The following FGF21 variants were observed in gnomAD, a reference collection of about 807,000 sequenced individuals.
The protein encoded by FGF21 is fibroblast growth factor 21.
FGF21 carries 13 observed loss-of-function variants against 13.4 expected under a neutral mutation model. The observed-to-expected ratio is 0.97, with a 90% CI of 0.63 to 1.54. FGF21 has a LOEUF of 1.54. FGF21 is among the 40% of genes most tolerant of loss of function. FGF21 has a pLI of 0.00. For missense variants in FGF21, 303 were observed against 272.4 expected, an observed-to-expected ratio of 1.11 and a Z score of -0.79; for synonymous variants, 124 against 123.6, an observed-to-expected ratio of 1.00 and a Z score of -0.02.
In FGF21 at chr19:48,756,227, C is replaced by G. The variant is rs111808565; in HGVS notation, c.-10C>G. The G allele has an allele frequency of 1.2e-6, 2 of 1,609,456 alleles. No individual in the cohort carries two copies. The highest frequency in any genetic ancestry group is 1.1e-5 in the South Asian group (1 of 90,878). ...ACACCCCGGAGATCACCTGAGGACC[C>G]GAGCCATTGATGGACTCGGACGAGA... is the stretch of plus-strand genomic sequence containing the variant. On this transcript the variant is annotated 5_prime_UTR_variant, in exon 2 of 4. Coordinates refer to ENST00000593756, the MANE Select transcript of FGF21 (RefSeq NM_019113.4).
At position 48,756,478 on chromosome 19, in the gene FGF21, G is replaced by A. The variant is rs935397157; in HGVS notation, c.235+7G>A. The A allele has an allele frequency of 4.3e-6, 7 of 1,609,986 alleles. No homozygotes were observed. Among genetic ancestry groups the A allele is most frequent in the African/African-American group, 1.3e-5 (1 of 74,868 alleles). On this transcript the variant is annotated splice_region_variant and intron_variant, in intron 2 of 3. Transcript: ENST00000593756. ...GCTGACCAGAGCCCCGAAAGTGAGT[G>A]TGGGCCAGAGCCTGGGTCTGAGGGA...
chr19:48,758,104 C>T lies in FGF21; in HGVS notation c.514C>T (p.Pro172Ser), dbSNP rs765579156. The T allele has an allele frequency of 1.9e-6, 3 of 1,611,532 alleles. No individual in the cohort carries two copies. Among genetic ancestry groups the T allele is most frequent in the Non-Finnish European group, 1.7e-6 (2 of 1,179,274 alleles). Residue 172 changes from proline (P) to serine (S), a missense_variant, in exon 4 of 4, where the codon CCC (proline) becomes TCC (serine). Coordinates refer to ENST00000593756, the MANE Select transcript of FGF21 (RefSeq NM_019113.4). Reference protein sequence around the residue: ...ARFLPLPGLPPALPEPPGILA... With the variant: ...ARFLPLPGLPSALPEPPGILA... Reference sequence around the variant, plus strand: ...CTTCCTGCCACTACCAGGCCTGCCCCCCGCACTCCCGGAGCCACCCGGAAT... The same window carrying T: ...CTTCCTGCCACTACCAGGCCTGCCCTCCGCACTCCCGGAGCCACCCGGAAT...
At chr19:48,756,556 C>T (rs1267883366) in intron 2 of FGF21, 85 bp downstream of exon 2, 56 of 1,330,734 alleles carry the variant, frequency 4.2e-5, no homozygotes, top group Admixed American at 9.1e-5. Context: ...GGCTGGGGGC[C>T]TTGGCCCCTG....
rs754736990 is a variant in FGF21 at position 48,758,029 on chromosome 19, C to A, written c.439C>A (p.Pro147Thr). 6.2e-7 allele frequency: 1 copy of A among 1,613,360 alleles called. No individual in the cohort carries two copies. The highest frequency in any genetic ancestry group is 8.5e-7 in the Non-Finnish European group (1 of 1,179,728). Residue 147 changes from proline to threonine, a missense_variant, in exon 4 of 4, where the codon CCA becomes ACA. By Grantham distance (38) the Pro-to-Thr change is conservative. Transcript: ENST00000593756. The stretch of plus-strand genomic sequence containing the variant: ...AGCCCACGGCCTCCCGCTGCACCTG[C>A]CAGGGAACAAGTCCCCACACCGGGA... ...SEAHGLPLHL[P>T]GNKSPHRDPA...
intron 3 of FGF21, 69 bp downstream of exon 3, chr19:48,757,098 G>A: frequency 8.4e-7 from 1 of 1,195,386 alleles, no homozygotes; most frequent in South Asian, 1.3e-5. Flanking sequence ...AGCCTGGGGT[G>A]CCTTGTCTTG....
chr19:48,757,830 G>C, intron 3 of FGF21, 100 bp from the exon 4 acceptor site: 1 of 1,180,290 alleles, frequency 8.5e-7, no homozygotes, highest in Non-Finnish European at 1.2e-6. Flanking sequence ...TGGGGGCCTG[G>C]ACCCCTGGGT....
intron 3 of FGF21, 97 bp downstream of exon 3, chr19:48,757,126 C>T (rs2034118418): frequency 1.1e-6 from 1 of 874,946 alleles, no homozygotes; most frequent in Admixed American, 2.1e-5. Context: ...CCCCCGGAGC[C>T]AGACTTGATT....
rs1231853565 is a variant in FGF21, at chr19:48,756,463, G to A, written c.227G>A (p.Ser76Asn). Residue 76 changes from serine (S) to asparagine (N), a missense_variant, in exon 2 of 4, where the codon AGC becomes AAC. Ser to Asn is a conservative substitution (Grantham distance 46). Coordinates refer to ENST00000593756, the MANE Select transcript of FGF21 (RefSeq NM_019113.4). ...DGTVGGAADQ[S>N]PESLLQLKAL... ...ACGGTGGGGGGCGCTGCTGACCAGAGCCCCGAAAGTGAGTGTGGGCCAGAG... is the reference window on the plus strand; with the variant it reads ...ACGGTGGGGGGCGCTGCTGACCAGAACCCCGAAAGTGAGTGTGGGCCAGAG... 1.9e-6 allele frequency: 3 copies of A among 1,612,446 alleles called. No individual in the cohort carries two copies. The highest frequency in any genetic ancestry group is 1.7e-6 in the Non-Finnish European group (2 of 1,179,710).
chr19:48,756,410 A>C lies in FGF21; in HGVS notation c.174A>C (p.Glu58Asp). The C allele has an allele frequency of 6.2e-7, 1 of 1,613,914 alleles. No homozygotes were observed. The highest frequency in any genetic ancestry group is 8.5e-7 in the Non-Finnish European group (1 of 1,180,014). ...YLYTDDAQQTEAHLEIREDGT... is the reference protein window; with the variant it reads ...YLYTDDAQQTDAHLEIREDGT... ...ACACAGATGATGCCCAGCAGACAGA[A>C]GCCCACCTGGAGATCAGGGAGGATG... Residue 58 changes from glutamate to aspartate, a missense_variant, in exon 2 of 4, where the codon GAA becomes GAC. Physicochemically the swap from Glu to Asp is conservative, Grantham distance 45. Coordinates refer to ENST00000593756, the MANE Select transcript of FGF21 (RefSeq NM_019113.4).
chr19:48,756,779 G>A, intron 2 of FGF21, 147 bp from the exon 3 acceptor site: 2 of 726,842 alleles, frequency 2.8e-6, no homozygotes, highest in East Asian at 4.9e-5. Context: ...CTTTGGCTTG[G>A]GCTTCTCCTG....
Position 48,755,979 on chromosome 19 carries a change from G to GC in FGF21, c.-256dup. The GC allele has an allele frequency of 2.1e-6, 1 of 482,744 alleles. No homozygotes were observed. Among genetic ancestry groups the GC allele is most frequent in the Non-Finnish European group, 3.7e-6 (1 of 269,660 alleles). 29.9% of individuals were successfully genotyped at this position (482,744 alleles called of 1,614,324 possible). A position where few individuals can be genotyped will look rare whatever the true frequency, so the allele number is the denominator to read the frequency against. On this transcript the variant is annotated 5_prime_UTR_variant, in exon 2 of 4. It introduces an in-frame stop codon into an upstream open reading frame of the 5' UTR. Coordinates refer to ENST00000593756, the MANE Select transcript of FGF21 (RefSeq NM_019113.4). Reference sequence around the variant, plus strand: ...GCCACGATGGAATTCTGTAGCTCCTGCCAAATGGGTCAAATATCATGGTTC... The same window carrying GC: ...GCCACGATGGAATTCTGTAGCTCCTGCCCAAATGGGTCAAATATCATGGTTC...
intron 3 of FGF21, among the ~76,000 whole-genome samples, chr19:48,757,698 AGGG>A (rs1476860516): frequency 3.2e-4 from 41 of 126,326 alleles, no homozygotes; most frequent in Non-Finnish European, 5.8e-4. Flanking sequence ...CCCGGGTCTG[AGGG>A]AGGAGAGGCT....
Position 48,756,989 on chromosome 19 carries a change from G to A in FGF21, c.299G>A (p.Arg100Lys). The A allele has an allele frequency of 1.9e-6, 3 of 1,614,102 alleles. No homozygotes were observed. Among genetic ancestry groups the A allele is most frequent in the Non-Finnish European group, 2.5e-6 (3 of 1,179,980 alleles). The stretch of plus-strand genomic sequence containing the variant: ...CAAATCTTGGGAGTCAAGACATCCA[G>A]GTTCCTGTGCCAGCGGCCAGATGGG... ...VIQILGVKTSRFLCQRPDGAL... is the reference protein window; with the variant it reads ...VIQILGVKTSKFLCQRPDGAL... The change falls in exon 3 of 4, where the codon AGG becomes AAG. Residue 100 changes from arginine (R) to lysine (K), a missense_variant. Transcript: ENST00000593756.
chr19:48,757,060 C>T, intron 3 of FGF21, 31 bp downstream of exon 3: 2 of 1,528,272 alleles, frequency 1.3e-6, no homozygotes, highest in South Asian at 2.2e-5. Context: ...TCACCACCCA[C>T]CATGCTCCTC....
intron 2 of FGF21, 103 bp from the exon 3 acceptor site, chr19:48,756,823 C>T: frequency 1.1e-6 from 1 of 927,266 alleles, no homozygotes; most frequent in South Asian, 1.5e-5. Flanking sequence ...TGGGCTTGGA[C>T]TCCCAGGGCT....
Position 48,756,513 on chromosome 19 carries a change from G to A in FGF21, c.235+42G>A, listed in dbSNP as rs370654656. ...GCCTGGGTCTGAGGGAGGAGGGGCT[G>A]TGGGTCTGGATTCCTGGGTCTGAGG... On this transcript the variant is annotated intron_variant, in intron 2 of 3. Coordinates refer to ENST00000593756, the MANE Select transcript of FGF21 (RefSeq NM_019113.4). 2.8e-4 allele frequency: 437 copies of A among 1,570,448 alleles called. 5 individuals carry two copies. In the South Asian group the frequency reaches 4.3e-3, roughly 15 times the overall value.
intron 3 of FGF21, 90 bp downstream of exon 3, chr19:48,757,119 C>A: frequency 1.1e-6 from 1 of 938,192 alleles, no homozygotes; most frequent in Non-Finnish European, 1.7e-6. Context: ...CTCATCCCCC[C>A]CGGAGCCAGA....
At position 48,756,429 on chromosome 19, in the gene FGF21, G is replaced by A. The variant is rs961083362; in HGVS notation, c.193G>A (p.Glu65Lys). Reference protein sequence around the residue: ...QQTEAHLEIREDGTVGGAADQ... With the variant: ...QQTEAHLEIRKDGTVGGAADQ... ...GACAGAAGCCCACCTGGAGATCAGG[G>A]AGGATGGGACGGTGGGGGGCGCTGC... The change falls in exon 2 of 4, where the codon GAG becomes AAG. Residue 65 changes from glutamate (E) to lysine (K), a missense_variant. Transcript: ENST00000593756. The A allele has an allele frequency of 3.7e-6, 6 of 1,613,640 alleles. No homozygotes were observed. Among genetic ancestry groups the A allele is most frequent in the Non-Finnish European group, 5.1e-6 (6 of 1,180,032 alleles).
chr19:48,756,695 TGG>T (rs1485536628), intron 2 of FGF21, among the ~76,000 whole-genome samples: 1 of 146,454 alleles, frequency 6.8e-6, no homozygotes, highest in Non-Finnish European at 1.5e-5. Flanking sequence ...GAGGAGGGGC[TGG>T]GGGTCTGGAC....
Sources: gnomAD v4.1 joint callset for allele counts (sites outside exome capture counted in the v4.1 genomes callset) on GRCh38, gnomAD v4.1.1 for gene constraint, MANE v1.5 for transcripts, NCBI Gene and HGNC (gene_info 2026-07-23, HGNC 2026-07-21) for gene names.